PKHD1: variants seen among roughly 807,000 people sequenced by gnomAD.
PKHD1 encodes PKHD1 ciliary IPT domain containing fibrocystin/polyductin.
In PKHD1, 291 loss-of-function variants were observed where a neutral mutation model predicts 412.0. The ratio of observed to expected loss-of-function variants is 0.71; its 90% CI spans 0.64 to 0.78. The LOEUF (loss-of-function observed/expected upper bound fraction) is 0.78. Ranked by LOEUF, PKHD1 falls within the 30% of genes least tolerant of loss-of-function variation. The pLI is 0.00. For synonymous variants in PKHD1, 1,777 were observed against 1,821.5 expected (o/e 0.98, Z 0.62); for missense variants, 4,825 against 4,950.7 (o/e 0.97, Z 0.76).
chr6:51,743,834 G>A lies in PKHD1; in HGVS notation c.10156+551C>T, dbSNP rs569944613. On this transcript the variant is annotated intron_variant, in intron 60 of 66. Transcript: ENST00000371117. ...TAAAAAGACAATGATCTCTCCAGGG[G>A]TCCAGCCATAAAAATTGACATAAAA... Among the ~76,000 whole-genome samples the A allele has an allele frequency of 5.9e-5, 9 of 152,220 alleles. No homozygotes were observed. The South Asian group carries it at 1.7e-3, about 28-fold the overall frequency.
chr6:51,711,432 C>G (rs1319934334), intron 60 of PKHD1, among the ~76,000 whole-genome samples: 2 of 152,220 alleles, frequency 1.3e-5, no homozygotes, highest in East Asian at 3.9e-4. Flanking sequence ...CATCTTGTCT[C>G]TATCCCTGAG....
At chr6:51,958,228 A>T (rs1441455339) in intron 36 of PKHD1, among the ~76,000 whole-genome samples, 1 of 151,662 alleles carries the variant, frequency 6.6e-6, no homozygotes, top group African/African-American at 2.4e-5. Flanking sequence ...CCTCCTCCCC[A>T]AGAGAAAGAA....
intron 52 of PKHD1, among the ~76,000 whole-genome samples, chr6:51,828,283 A>T (rs557421210): frequency 6.6e-6 from 1 of 152,168 alleles, no homozygotes; most frequent in African/African-American, 2.4e-5. Context: ...GCTGGGTAAA[A>T]CTTGAGCAAG....
intron 60 of PKHD1, among the ~76,000 whole-genome samples, chr6:51,665,572 C>G (rs1332076896): frequency 6.6e-6 from 1 of 152,096 alleles, no homozygotes; most frequent in Non-Finnish European, 1.5e-5. Context: ...ATGAAATGCC[C>G]TACATGAGCT....
chr6:51,749,430 A>G (rs980516807), intron 57 of PKHD1, among the ~76,000 whole-genome samples: 4 of 152,184 alleles, frequency 2.6e-5, no homozygotes, highest in African/African-American at 9.6e-5. Flanking sequence ...TATAAAATAC[A>G]CCCAGTAAGT....
At chr6:51,705,691 T>C (rs993724403) in intron 60 of PKHD1, among the ~76,000 whole-genome samples, 3 of 152,108 alleles carry the variant, frequency 2.0e-5, no homozygotes, top group Non-Finnish European at 4.4e-5. Flanking sequence ...TAAAGGCTTT[T>C]TACTGACAGC....
At chr6:52,005,749 A>G (rs558522717) in intron 35 of PKHD1, among the ~76,000 whole-genome samples, 24 of 152,184 alleles carry the variant, frequency 1.6e-4, no homozygotes, top group Middle Eastern at 3.4e-3. Flanking sequence ...TTTAGGTAAC[A>G]GTCCACACCA....
At chr6:51,702,169 T>C (rs146291123) in intron 60 of PKHD1, among the ~76,000 whole-genome samples, 1,912 of 142,362 alleles carry the variant, frequency 0.013, 17 homozygotes, top group African/African-American at 0.029. Flanking sequence ...ATATATTATA[T>C]GTATAATATA....
chr6:51,758,053 A>AGAGAGAG (rs1491172795), intron 55 of PKHD1, among the ~76,000 whole-genome samples: 22 of 148,328 alleles, frequency 1.5e-4, no homozygotes, highest in South Asian at 4.4e-4. Context: ...AGAGAGAGAG[A>AGAGAGAG]AAACAAAGCA....
At chr6:51,639,648 C>T (rs969643361) in intron 63 of PKHD1, among the ~76,000 whole-genome samples, 1 of 152,142 alleles carries the variant, frequency 6.6e-6, no homozygotes, top group East Asian at 1.9e-4. Context: ...CCATTTATAA[C>T]GTGAAAAAAG....
intron 37 of PKHD1, among the ~76,000 whole-genome samples, chr6:51,919,356 GT>G (rs1189136221): frequency 1.3e-5 from 2 of 152,272 alleles, no homozygotes; most frequent in Non-Finnish European, 2.9e-5. Flanking sequence ...TGGCTAGCCA[GT>G]TTTCCCAGCA....
chr6:51,807,005 CAA>C (rs1257704403), intron 52 of PKHD1, among the ~76,000 whole-genome samples: 1 of 152,102 alleles, frequency 6.6e-6, no homozygotes, highest in Non-Finnish European at 1.5e-5. Context: ...AAATACCCTG[CAA>C]AAGACTATGA....
chr6:52,073,530 G>C lies in PKHD1; in HGVS notation c.460C>G (p.His154Asp), dbSNP rs1268806699. 4.4e-6 allele frequency: 7 copies of C among 1,595,550 alleles called. No individual in the cohort carries two copies. The highest frequency in any genetic ancestry group is 6.0e-6 in the Non-Finnish European group (7 of 1,163,162). The change falls in exon 7 of 67, where the codon CAT (histidine) becomes GAT (aspartate). Residue 154 changes from histidine to aspartate, a missense_variant. Transcript: ENST00000371117. ...CCAGTGATAATCCAGCCATATACAT[G>C]TATTAGTTTTCCTGTTTGAAGAAGA... ...PPSGVPGKLI[H>D]VYGWIITGRL...
intron 35 of PKHD1, among the ~76,000 whole-genome samples, chr6:51,991,672 A>G (rs775287722): frequency 2.0e-5 from 3 of 152,222 alleles, no homozygotes; most frequent in Non-Finnish European, 4.4e-5. Context: ...CAGTTGTGCC[A>G]AAGCCCAGTA....
Position 52,026,190 on chromosome 6 carries a change from T to TG in PKHD1, c.3629-10dup. ...GCTGAGGATGGTCCCTCCTAAAGTA[T>TG]GAATACGGAAAGCAAAATATTATAG... On this transcript the variant is annotated splice_polypyrimidine_tract_variant and intron_variant, in intron 31 of 66. Transcript: ENST00000371117. 1.9e-6 allele frequency: 3 copies of TG among 1,613,220 alleles called. No homozygotes were observed. The highest frequency in any genetic ancestry group is 2.2e-5 in the South Asian group (2 of 91,070).
chr6:52,038,585 A>C (rs567443299), intron 27 of PKHD1, among the ~76,000 whole-genome samples: 88 of 152,136 alleles, frequency 5.8e-4, no homozygotes, highest in South Asian at 4.8e-3. Context: ...AGGAACCAAC[A>C]CTCCTGACAC....
At chr6:51,883,391 G>C (rs1777686777) in intron 45 of PKHD1, among the ~76,000 whole-genome samples, 164 bp from the exon 46 acceptor site, 1 of 148,112 alleles carries the variant, frequency 6.8e-6, no homozygotes, top group Non-Finnish European at 1.5e-5. Context: ...GTTGCTGTGA[G>C]GTCAGCACTA....
chr6:51,852,500 G>T (rs1396669537), intron 49 of PKHD1, among the ~76,000 whole-genome samples: 1 of 152,104 alleles, frequency 6.6e-6, no homozygotes, highest in Non-Finnish European at 1.5e-5. Context: ...TGACAGTGGG[G>T]TATTAAAGTC....
intron 35 of PKHD1, among the ~76,000 whole-genome samples, chr6:51,996,853 A>C (rs1051935955): frequency 5.9e-5 from 9 of 152,242 alleles, no homozygotes; most frequent in Non-Finnish European, 1.0e-4. Flanking sequence ...GGCAATGTCC[A>C]TTCTCCAGCT....
Sources: allele counts gnomAD v4.1 joint callset (sites outside exome capture counted in the v4.1 genomes callset), GRCh38; gene constraint gnomAD v4.1.1; transcripts MANE v1.5; gene names NCBI Gene and HGNC (gene_info 2026-07-23, HGNC 2026-07-21).